PLSCR3: variants seen among roughly 807,000 people sequenced by gnomAD.
PLSCR3 encodes PL scramblase 3.
A neutral mutation model predicts 33.7 loss-of-function variants in PLSCR3; 17 were observed. The ratio of observed to expected loss-of-function variants is 0.50; its 90% CI spans 0.35 to 0.76. PLSCR3 has a LOEUF of 0.76. Ranked by LOEUF, PLSCR3 falls within the 30% of genes least tolerant of loss-of-function variation. The pLI is 0.01. For missense variants in PLSCR3, 360 were observed against 394.1 expected, an observed-to-expected ratio of 0.91 and a Z score of 0.73; for synonymous variants, 166 against 166.0, an observed-to-expected ratio of 1.00 and a Z score of 0.00.
At position 7,393,761 on chromosome 17, in the gene PLSCR3, G is replaced by T. The variant is rs758357139; in HGVS notation, c.83C>A (p.Ala28Glu). The change falls in exon 3 of 8, where the codon GCG (alanine) becomes GAG (glutamate). Residue 28 changes from alanine to glutamate, a missense_variant. Ala to Glu is a moderately radical substitution (Grantham distance 107). Coordinates refer to ENST00000619711, the MANE Select transcript of PLSCR3 (RefSeq NM_020360.4). ...YPVTPGYPEP[A>E]LHPGPGQAPV... The stretch of plus-strand genomic sequence containing the variant: ...CGCCTGCCCGGGCCCAGGATGTAGC[G>T]CCGGCTCCGGGTACCCAGGGGTGAC... 1 of 1,509,246 alleles carries T rather than the reference G, an allele frequency of 6.6e-7. No individual in the cohort carries two copies. Among genetic ancestry groups the T allele is most frequent in the African/African-American group, 1.4e-5 (1 of 70,928 alleles). 93.5% of individuals were successfully genotyped at this position (1,509,246 alleles called of 1,614,324 possible).
Position 7,390,726 on chromosome 17 carries a change from C to T in PLSCR3, c.739G>A (p.Ala247Thr). 1 of 1,614,176 alleles carries T rather than the reference C, an allele frequency of 6.2e-7. No homozygotes were observed. Among genetic ancestry groups the T allele is most frequent in the Non-Finnish European group, 8.5e-7 (1 of 1,180,020 alleles). Residue 247 changes from alanine to threonine, a missense_variant, in exon 7 of 8, where the codon GCC becomes ACC. Coordinates refer to ENST00000619711, the MANE Select transcript of PLSCR3 (RefSeq NM_020360.4). ...CCAAAGTCATCTGCATCTGTGAGGG[C>T]TTCTCGGACCAGGCCCCCCCACTGC... The part of the protein sequence containing the change: ...SKQWGGLVRE[A>T]LTDADDFGLQ...
intron 2 of PLSCR3, 120 bp from the exon 3 acceptor site, chr17:7,393,956 G>T: frequency 8.8e-7 from 1 of 1,138,932 alleles, no homozygotes; most frequent in South Asian, 1.3e-5. Context: ...AGAGAAAGAT[G>T]GGGCAGGGGA....
Position 7,390,192 on chromosome 17 carries a change from G to A in PLSCR3, c.*193C>T, listed in dbSNP as rs1285408779. On this transcript the variant is annotated 3_prime_UTR_variant, in exon 8 of 8. Coordinates refer to ENST00000619711, the MANE Select transcript of PLSCR3 (RefSeq NM_020360.4). The stretch of plus-strand genomic sequence containing the variant: ...CTGGGACAGTGGTGGGAGGTAGCAG[G>A]AGAGCGGCTCTCATACATACCCCTC... 5 of 537,468 alleles carry A rather than the reference G, an allele frequency of 9.3e-6. No homozygotes were observed. The highest frequency in any genetic ancestry group is 3.3e-6 in the Non-Finnish European group (1 of 301,608). 33.3% of individuals were successfully genotyped at this position (537,468 alleles called of 1,614,324 possible). A position where few individuals can be genotyped will look rare whatever the true frequency, so the allele number is the denominator to read the frequency against.
chr17:7,390,600 A>C (rs763631792), intron 7 of PLSCR3, 34 bp downstream of exon 7: 2 of 1,611,664 alleles, frequency 1.2e-6, no homozygotes, highest in Admixed American at 3.3e-5. Flanking sequence ...AGCAAAGGAC[A>C]GGCAGGAGGT....
chr17:7,392,488 C>T (rs964166780), intron 6 of PLSCR3, among the ~76,000 whole-genome samples: 2 of 152,206 alleles, frequency 1.3e-5, no homozygotes, highest in African/African-American at 2.4e-5. Flanking sequence ...ATGGGCCCGG[C>T]CCACACAGAC....
chr17:7,393,096 G>T, intron 5 of PLSCR3, 48 bp downstream of exon 5: 1 of 1,454,356 alleles, frequency 6.9e-7, no homozygotes, highest in Non-Finnish European at 9.0e-7. Context: ...CCTCATCATT[G>T]TCCCGCCCCA....
At position 7,394,321 on chromosome 17, in the gene PLSCR3, C is replaced by A; in HGVS notation, c.-157-54G>T. 1.9e-6 allele frequency: 1 copy of A among 530,350 alleles called. No individual in the cohort carries two copies. Among genetic ancestry groups the A allele is most frequent in the Admixed American group, 3.2e-5 (1 of 30,872 alleles). The allele number at this position is 530,350 out of a possible 1,614,324, so 32.9% of individuals were successfully genotyped here. A position where few individuals can be genotyped will look rare whatever the true frequency, so the allele number is the denominator to read the frequency against. On this transcript the variant is annotated intron_variant, in intron 1 of 7. Coordinates refer to ENST00000619711, the MANE Select transcript of PLSCR3 (RefSeq NM_020360.4). This position sits in a 1 kb window ranked among gnomAD's most constrained non-coding sequence, Gnocchi z 5.3. ...TGGGCGGGACCGGGTACCTGGGACC[C>A]TGGATTCCCTCGGGGGCCCCAGAAC...
chr17:7,393,130 C>CCCCCCCAA lies in PLSCR3; in HGVS notation c.507+13_507+14insTTGGGGGG. ...CACCAAGGCCCGCCCTCCCGGCCCC[C>CCCCCCCAA]TCCCTCCGCCCACCTCCTGGAGGCC... On this transcript the variant is annotated intron_variant, in intron 5 of 7. Transcript: ENST00000619711. 1 of 1,447,178 alleles carries CCCCCCCAA rather than the reference C, an allele frequency of 6.9e-7. No homozygotes were observed. Among genetic ancestry groups the CCCCCCCAA allele is most frequent in the Non-Finnish European group, 9.0e-7 (1 of 1,106,528 alleles). The allele number at this position is 1,447,178 out of a possible 1,614,324, so 89.6% of individuals were successfully genotyped here. A position where few individuals can be genotyped will look rare whatever the true frequency, so the allele number is the denominator to read the frequency against.
In PLSCR3 at chr17:7,390,182, G is replaced by A; in HGVS notation, c.*203C>T. 1.9e-6 allele frequency: 1 copy of A among 534,148 alleles called. No individual in the cohort carries two copies. The highest frequency in any genetic ancestry group is 3.4e-5 in the Admixed American group (1 of 29,346). The allele number at this position is 534,148 out of a possible 1,614,324, so 33.1% of individuals were successfully genotyped here. ...CGAGGGACTGCTGGGACAGTGGTGG[G>A]AGGTAGCAGGAGAGCGGCTCTCATA... On this transcript the variant is annotated 3_prime_UTR_variant, in exon 8 of 8. Transcript: ENST00000619711.
Position 7,390,738 on chromosome 17 carries a change from G to GT in PLSCR3, c.726_727insA (p.Leu243ThrfsTer11). The GT allele has an allele frequency of 6.2e-7, 1 of 1,614,186 alleles. No individual in the cohort carries two copies. Among genetic ancestry groups the GT allele is most frequent in the Non-Finnish European group, 8.5e-7 (1 of 1,180,034 alleles). ...GCATCTGTGAGGGCTTCTCGGACCAGGCCCCCCCACTGCTTGCTGATGCGG... is the reference window on the plus strand; with the variant it reads ...GCATCTGTGAGGGCTTCTCGGACCAGTGCCCCCCCACTGCTTGCTGATGCGG... On this transcript the variant is annotated frameshift_variant, in exon 7 of 8. Coordinates refer to ENST00000619711, the MANE Select transcript of PLSCR3 (RefSeq NM_020360.4). LOFTEE classifies it high-confidence loss of function.
In PLSCR3 at chr17:7,390,635, A is replaced by G. The variant is rs745587640; in HGVS notation, c.830T>C (p.Ile277Thr). The G allele has an allele frequency of 1.9e-6, 3 of 1,613,954 alleles. No individual in the cohort carries two copies. Among genetic ancestry groups the G allele is most frequent in the Non-Finnish European group, 1.7e-6 (2 of 1,179,832 alleles). ...KAVLLGATFL[I>T]DYMFFEKRGG... Reference sequence around the variant, plus strand: ...TGGGGGCAGGGGCAGCCAACTCACAATGAGGAATGTGGCTCCCAGCAGCAC... The same window carrying G: ...TGGGGGCAGGGGCAGCCAACTCACAGTGAGGAATGTGGCTCCCAGCAGCAC... Residue 277 changes from isoleucine (I) to threonine (T), a missense_variant and splice_region_variant, in exon 7 of 8, where the codon ATT becomes ACT. Physicochemically the swap from Ile to Thr is moderately conservative, Grantham distance 89. Transcript: ENST00000619711.
chr17:7,393,192 G>A lies in PLSCR3; in HGVS notation c.459C>T (p.Leu153=). ...AGCTGCAGCCACAGTGCAGCGGGCG[G>A]AGCAAACGCAGCACCTCACGGTCCC... The part of the protein sequence containing the change: ...DPGDREVLRL[L]RPLHCGCSCC... The change falls in exon 5 of 8, where the codon CTC becomes CTT. Residue 153 remains leucine, a synonymous_variant. Transcript: ENST00000619711. 1 of 1,530,824 alleles carries A rather than the reference G, an allele frequency of 6.5e-7. No homozygotes were observed. Among genetic ancestry groups the A allele is most frequent in the Non-Finnish European group, 8.7e-7 (1 of 1,148,756 alleles). The allele number at this position is 1,530,824 out of a possible 1,614,324, so 94.8% of individuals were successfully genotyped here.
rs566317666 is a variant in PLSCR3 at position 7,393,824 on chromosome 17, G to A, written c.20C>T (p.Pro7Leu). The A allele has an allele frequency of 5.3e-6, 8 of 1,497,450 alleles. No individual in the cohort carries two copies. The highest frequency in any genetic ancestry group is 4.6e-5 in the Admixed American group (2 of 43,154). 92.8% of individuals were successfully genotyped at this position (1,497,450 alleles called of 1,614,324 possible). A position where few individuals can be genotyped will look rare whatever the true frequency, so the allele number is the denominator to read the frequency against. The change falls in exon 3 of 8, where the codon CCC (proline) becomes CTC (leucine). Residue 7 changes from proline (P) to leucine (L), a missense_variant. Coordinates refer to ENST00000619711, the MANE Select transcript of PLSCR3 (RefSeq NM_020360.4). ...TGGGGGCGAAGGGGCGTAGCCTTTG[G>A]GGGGCAAGTAGCCTGTAAAGCGGTG... MAGYLP[P>L]KGYAPSPPPP...
chr17:7,391,329 G>T lies in PLSCR3; in HGVS notation c.670-534C>A, dbSNP rs1407069717. Among the ~76,000 whole-genome samples the T allele has an allele frequency of 6.6e-6, 1 of 152,252 alleles. No homozygotes were observed. The highest frequency in any genetic ancestry group is 2.4e-5 in the African/African-American group (1 of 41,464). On this transcript the variant is annotated intron_variant, in intron 6 of 7. Transcript: ENST00000619711. This position sits in a 1 kb window ranked among gnomAD's most constrained non-coding sequence, Gnocchi z 4.1. ...TTTCTCTAATCTGCAAAGTAGGGGA[G>T]GGCCTTGCCCAGCACTGCATGAGAG...
chr17:7,393,290 C>T lies in PLSCR3; in HGVS notation c.361G>A (p.Glu121Lys), dbSNP rs1314493332. The T allele has an allele frequency of 6.2e-7, 1 of 1,609,414 alleles. No individual in the cohort carries two copies. The highest frequency in any genetic ancestry group is 8.5e-7 in the Non-Finnish European group (1 of 1,179,692). Residue 121 changes from glutamate to lysine, a missense_variant, in exon 5 of 8, where the codon GAG becomes AAG. Transcript: ENST00000619711. ...AGACGGGCGCAGCAGTTGCTCTCCT[C>T]GGCCGCCTGACCCAGGGGCTGCCCG... ...GAGQPLGQAAEESNCCARLCC... is the reference protein window; with the variant it reads ...GAGQPLGQAAKESNCCARLCC...
intron 6 of PLSCR3, 93 bp downstream of exon 6, chr17:7,392,698 C>T: frequency 8.2e-7 from 1 of 1,226,614 alleles, no homozygotes; most frequent in Non-Finnish European, 1.2e-6. Context: ...GATTGATGAG[C>T]TCAGGGTCTT....
At chr17:7,392,054 G>T (rs182064267) in intron 6 of PLSCR3, among the ~76,000 whole-genome samples, 2 of 152,194 alleles carry the variant, frequency 1.3e-5, no homozygotes, top group African/African-American at 2.4e-5. Context: ...GCATGGCGGC[G>T]CATGCCTGTA....
rs1490241842 is a variant in PLSCR3, at chr17:7,390,751, C to T, written c.714G>A (p.Lys238=). Residue 238 remains lysine, a synonymous_variant, in exon 7 of 8, where the codon AAG becomes AAA. Coordinates refer to ENST00000619711, the MANE Select transcript of PLSCR3 (RefSeq NM_020360.4). ...DESRSVGRIS[K]QWGGLVREAL... The stretch of plus-strand genomic sequence containing the variant: ...CTTCTCGGACCAGGCCCCCCCACTG[C>T]TTGCTGATGCGGCCCACACTGCGGG... 6.2e-7 allele frequency: 1 copy of T among 1,614,176 alleles called. No homozygotes were observed. The highest frequency in any genetic ancestry group is 1.1e-5 in the South Asian group (1 of 91,084).
At chr17:7,390,542 G>A in intron 7 of PLSCR3, 92 bp downstream of exon 7, 2 of 1,575,966 alleles carry the variant, frequency 1.3e-6, no homozygotes, top group Non-Finnish European at 1.7e-6. Context: ...ACCTATTCCT[G>A]ACTTTCCCCT....
Sources: allele counts gnomAD v4.1 joint callset (sites outside exome capture counted in the v4.1 genomes callset), GRCh38; gene constraint gnomAD v4.1.1; non-coding constraint Gnocchi (gnomAD v3.1); transcripts MANE v1.5; gene names NCBI Gene and HGNC (gene_info 2026-07-23, HGNC 2026-07-21).